The following VWA8 variants were observed in gnomAD, a reference collection of about 807,000 sequenced individuals.
The protein encoded by VWA8 is von Willebrand factor A domain-containing protein 8.
In VWA8, 221 loss-of-function variants were observed where a neutral mutation model predicts 241.5. The ratio of observed to expected loss-of-function variants is 0.91; its 90% CI spans 0.82 to 1.02. The LOEUF is 1.02. Among genes scored for constraint, VWA8 ranks in the 50% least tolerant of loss-of-function variants. VWA8 has a pLI of 0.00. For missense variants in VWA8, 2,322 were observed against 2,328.7 expected (o/e 1.00, Z 0.06); for synonymous variants, 852 against 827.1 (o/e 1.03, Z -0.52).
intron 4 of VWA8, among the ~76,000 whole-genome samples, chr13:41,897,495 G>A (rs998180031): frequency 1.3e-5 from 2 of 152,120 alleles, no homozygotes; most frequent in African/African-American, 4.8e-5. Flanking sequence ...CAATATGGAG[G>A]TTCTTCAAAA....
At chr13:41,674,321 G>T (rs562088462) in intron 36 of VWA8, among the ~76,000 whole-genome samples, 1 of 152,126 alleles carries the variant, frequency 6.6e-6, no homozygotes, top group African/African-American at 2.4e-5. Flanking sequence ...TGTTGTCCCT[G>T]GTCTTCCTCT....
chr13:41,949,905 A>C, intron 2 of VWA8, 31 bp downstream of exon 2: 1 of 1,292,922 alleles, frequency 7.7e-7, no homozygotes, highest in Non-Finnish European at 1.1e-6. Context: ...GTTAAAAGTT[A>C]TTCATTCATA....
Position 41,883,428 on chromosome 13 carries a change from G to A in VWA8, c.1039C>T (p.Leu347=), listed in dbSNP as rs55935383. ...ACAGCCATCTTCCCTTCATGACCTAGTAAAATACTATATGGATAAAGCCAC... is the reference window on the plus strand; with the variant it reads ...ACAGCCATCTTCCCTTCATGACCTAATAAAATACTATATGGATAAAGCCAC... The part of the protein sequence containing the change: ...IQWLYPYSIL[L]GHEGKMAVEG... Residue 347 remains leucine (L), a synonymous_variant, in exon 9 of 45, where the codon CTA becomes TTA. Coordinates refer to ENST00000379310, the MANE Select transcript of VWA8 (RefSeq NM_015058.2). 6.2e-7 allele frequency: 1 copy of A among 1,613,624 alleles called. No individual in the cohort carries two copies. Among genetic ancestry groups the A allele is most frequent in the Non-Finnish European group, 8.5e-7 (1 of 1,179,726 alleles).
intron 37 of VWA8, among the ~76,000 whole-genome samples, chr13:41,621,985 T>A (rs1176664649): frequency 1.3e-5 from 2 of 152,142 alleles, no homozygotes; most frequent in Non-Finnish European, 2.9e-5. Flanking sequence ...AATCGACAAA[T>A]TCTTGACAAA....
At chr13:41,945,646 TCAA>T (rs1877816470) in intron 2 of VWA8, among the ~76,000 whole-genome samples, 1 of 152,024 alleles carries the variant, frequency 6.6e-6, no homozygotes, top group Non-Finnish European at 1.5e-5. Context: ...CCAGAGGGGC[TCAA>T]CAACAGATGT....
At chr13:41,575,947 T>G in intron 42 of VWA8, 109 bp from the exon 43 acceptor site, 1 of 715,618 alleles carries the variant, frequency 1.4e-6, no homozygotes, top group Non-Finnish European at 2.3e-6. Context: ...TTGCTCAACA[T>G]ATGGCCATAA....
intron 34 of VWA8, 90 bp from the exon 35 acceptor site, chr13:41,685,332 T>C: frequency 8.3e-7 from 1 of 1,203,260 alleles, no homozygotes; most frequent in Non-Finnish European, 1.2e-6. Flanking sequence ...CAGATACTAG[T>C]GGGAAACTAA....
chr13:41,703,532 G>A, intron 26 of VWA8, 121 bp from the exon 27 acceptor site: 1 of 730,408 alleles, frequency 1.4e-6, no homozygotes, highest in Non-Finnish European at 2.3e-6. Flanking sequence ...TTAGAAGTGA[G>A]TTATACATCA....
intron 3 of VWA8, 68 bp downstream of exon 3, chr13:41,911,970 T>G: frequency 7.3e-7 from 1 of 1,363,180 alleles, no homozygotes; most frequent in East Asian, 2.6e-5. Context: ...TATAAATTCT[T>G]AATCTTATTT....
chr13:41,935,680 A>G (rs1877315177), intron 2 of VWA8, among the ~76,000 whole-genome samples: 1 of 152,010 alleles, frequency 6.6e-6, no homozygotes, highest in Non-Finnish European at 1.5e-5. Context: ...CAAAGTTAAG[A>G]GCCTGCAGTG....
At chr13:41,847,459 G>A (rs1277271590) in intron 12 of VWA8, among the ~76,000 whole-genome samples, 2 of 152,148 alleles carry the variant, frequency 1.3e-5, no homozygotes, top group Admixed American at 6.6e-5. Context: ...GCAGAAAGAA[G>A]CCAGACAGAT....
At position 41,587,555 on chromosome 13, in the gene VWA8, C is replaced by A. The variant is rs768565282; in HGVS notation, c.5228G>T (p.Cys1743Phe). The A allele has an allele frequency of 1.9e-6, 3 of 1,614,192 alleles. No homozygotes were observed. Among genetic ancestry groups the A allele is most frequent in the Non-Finnish European group, 2.5e-6 (3 of 1,180,040 alleles). ...GRLERTMEAV[C>F]MVMEAFENYE... The stretch of plus-strand genomic sequence containing the variant: ...GTTCTCGAAGGCTTCCATGACCATA[C>A]ACACAGCCTCCATTGTGCGCTCAAG... Residue 1743 changes from cysteine (C) to phenylalanine (F), a missense_variant, in exon 42 of 45, where the codon TGT becomes TTT. Coordinates refer to ENST00000379310, the MANE Select transcript of VWA8 (RefSeq NM_015058.2).
intron 2 of VWA8, chr13:41,927,204 A>G: frequency 4.2e-6 from 2 of 474,720 alleles, no homozygotes; most frequent in Admixed American, 2.2e-5. Context: ...ACGTACAGGC[A>G]TGGGCATTGA....
rs1593728250 is a variant in VWA8, at chr13:41,732,173, C to T, written c.2427-18G>A. 1.9e-6 allele frequency: 3 copies of T among 1,600,756 alleles called. No individual in the cohort carries two copies. Among genetic ancestry groups the T allele is most frequent in the Admixed American group, 1.7e-5 (1 of 59,384 alleles). ...TGGTATCCCTAAAGTAAAACCAACACATTTTATAGTTAGGAAGGAAATAAG... is the reference window on the plus strand; with the variant it reads ...TGGTATCCCTAAAGTAAAACCAACATATTTTATAGTTAGGAAGGAAATAAG... On this transcript the variant is annotated intron_variant, in intron 21 of 44. Transcript: ENST00000379310.
chr13:41,903,758 C>A (rs1431405675), intron 4 of VWA8, among the ~76,000 whole-genome samples: 1 of 151,974 alleles, frequency 6.6e-6, no homozygotes, highest in Non-Finnish European at 1.5e-5. Context: ...TTGGATCTGA[C>A]GGTGGATGTA....
rs1392330045 is a variant in VWA8 at position 41,880,498 on chromosome 13, T to C, written c.1080+2889A>G. Among the ~76,000 whole-genome samples the C allele has an allele frequency of 2.6e-5, 4 of 152,244 alleles. No individual in the cohort carries two copies. The East Asian group carries it at 5.8e-4, about 22-fold the overall frequency. ...CAATCCACAGACCCTACTCAAGTTT[T>C]ACCAACAGTGCCAATATTGTCACTT... is the stretch of plus-strand genomic sequence containing the variant. On this transcript the variant is annotated intron_variant, in intron 9 of 44. Transcript: ENST00000379310.
chr13:41,691,934 G>C lies in VWA8; in HGVS notation c.3680C>G (p.Thr1227Ser), dbSNP rs2045181041. ...PFWWNKEEAE[T>S]YKMCKEFSHK... ...TGAAAATTCTTTACACATTTTATAA[G>C]TTTCCTAAAGACAAACAAAACAAGA... Residue 1227 changes from threonine to serine, a missense_variant, in exon 31 of 45, where the codon ACT becomes AGT. Coordinates refer to ENST00000379310, the MANE Select transcript of VWA8 (RefSeq NM_015058.2). 1 of 1,604,638 alleles carries C rather than the reference G, an allele frequency of 6.2e-7. No homozygotes were observed. The highest frequency in any genetic ancestry group is 8.5e-7 in the Non-Finnish European group (1 of 1,172,428).
chr13:41,735,122 A>C (rs888132961), intron 21 of VWA8, among the ~76,000 whole-genome samples: 2 of 152,186 alleles, frequency 1.3e-5, no homozygotes, highest in Non-Finnish European at 2.9e-5. Context: ...TGGATGAGGA[A>C]GGGAAATAGA....
At chr13:41,784,715 T>TATATATATACAC (rs1188815296) in intron 18 of VWA8, among the ~76,000 whole-genome samples, 15 of 62,872 alleles carry the variant, frequency 2.4e-4, no homozygotes, top group African/African-American at 6.7e-4. Flanking sequence ...TATATATATA[T>TATATATATACAC]ATATATATAT....
Sources: allele counts gnomAD v4.1 joint callset (sites outside exome capture counted in the v4.1 genomes callset), GRCh38; gene constraint gnomAD v4.1.1; transcripts MANE v1.5; gene names NCBI Gene and HGNC (gene_info 2026-07-23, HGNC 2026-07-21).